NDUFAF6: variants seen among roughly 807,000 people sequenced by gnomAD.
The protein encoded by NDUFAF6 is NADH:ubiquinone oxidoreductase complex assembly factor 6, also known as NADH dehydrogenase (ubiquinone) complex I, assembly factor 6.
In NDUFAF6, 45 loss-of-function variants were observed where a neutral mutation model predicts 40.8. That is an observed-to-expected ratio of 1.10 (90% CI 0.87 to 1.42). The LOEUF (loss-of-function observed/expected upper bound fraction) is 1.42. Ranked by LOEUF, NDUFAF6 falls within the 40% of genes most tolerant of loss-of-function variation. The pLI is 0.00. For synonymous variants in NDUFAF6, 185 were observed against 155.9 expected (o/e 1.19, Z -1.39); for missense variants, 435 against 418.5 (o/e 1.04, Z -0.34).
At chr8:95,101,642 G>A (rs143228461) in intron 2 of NDUFAF6, among the ~76,000 whole-genome samples, 142 of 152,290 alleles carry the variant, frequency 9.3e-4, no homozygotes, top group African/African-American at 2.9e-3. Flanking sequence ...CTGCTTTCAC[G>A]TGATGGACAC....
chr8:94,980,796 C>A, intron 1 of NDUFAF6: 1 of 376,764 alleles, frequency 2.7e-6, no homozygotes. Context: ...TAGTTTAGTG[C>A]ATAGTTGTTT....
At chr8:95,108,990 G>A (rs1809919632) in intron 4 of NDUFAF6, among the ~76,000 whole-genome samples, 1 of 152,144 alleles carries the variant, frequency 6.6e-6, no homozygotes, top group South Asian at 2.1e-4. Context: ...TTGAACCTAA[G>A]TGGAATACAG....
chr8:95,008,029 T>A (rs144612776), intron 2 of NDUFAF6, among the ~76,000 whole-genome samples: 1 of 152,082 alleles, frequency 6.6e-6, no homozygotes, highest in African/African-American at 2.4e-5. Flanking sequence ...CAGCCTTGAG[T>A]CTCAATTTTA....
At chr8:94,968,902 A>G (rs1824233496) in intron 1 of NDUFAF6, among the ~76,000 whole-genome samples, 1 of 152,194 alleles carries the variant, frequency 6.6e-6, no homozygotes, top group Admixed American at 6.5e-5. Context: ...AGGGTGGGAC[A>G]GAAGGAGGAG....
At chr8:94,981,753 G>A (rs1443332193) in intron 2 of NDUFAF6, among the ~76,000 whole-genome samples, 1 of 152,128 alleles carries the variant, frequency 6.6e-6, no homozygotes, top group Non-Finnish European at 1.5e-5. Context: ...CCATGAGAGA[G>A]CTGATATTCT....
At chr8:95,016,181 T>TA (rs1827437284) in intron 2 of NDUFAF6, among the ~76,000 whole-genome samples, 1 of 152,358 alleles carries the variant, frequency 6.6e-6, no homozygotes, top group Non-Finnish European at 1.5e-5. Flanking sequence ...CACAAAGTGA[T>TA]AAAAGTGTTC....
chr8:95,087,545 A>C (rs1809091858), intron 2 of NDUFAF6: 1 of 152,160 alleles, frequency 6.6e-6, no homozygotes, highest in African/African-American at 2.4e-5. Context: ...CTTTCATTTA[A>C]ACTTCCATAC....
Position 94,959,887 on chromosome 8 carries a change from C to A in NDUFAF6, c.-199+1708C>A, listed in dbSNP as rs987419348. Among the ~76,000 whole-genome samples the A allele has an allele frequency of 2.0e-5, 3 of 152,240 alleles. No individual in the cohort carries two copies. In the South Asian group the frequency reaches 6.2e-4, roughly 32 times the overall value. On this transcript the variant is annotated intron_variant, in intron 1 of 9. Coordinates refer to the NDUFAF6 transcript ENST00000396111. Reference sequence around the variant, plus strand: ...CTTGGCTTTGGGTCCCCCCCAGTTTCGGATGTTTACATTTCATCAGCTTTT... The same window carrying A: ...CTTGGCTTTGGGTCCCCCCCAGTTTAGGATGTTTACATTTCATCAGCTTTT...
intron 1 of NDUFAF6, among the ~76,000 whole-genome samples, chr8:95,028,984 TG>T (rs1828504514): frequency 2.6e-5 from 4 of 151,930 alleles, no homozygotes; most frequent in Non-Finnish European, 5.9e-5. Context: ...GCAGTACTCT[TG>T]AGATAGCAAG....
intron 1 of NDUFAF6, among the ~76,000 whole-genome samples, chr8:94,968,895 G>A (rs1290469322): frequency 2.0e-5 from 3 of 152,146 alleles, no homozygotes; most frequent in Non-Finnish European, 2.9e-5. Context: ...TTGACTTAGG[G>A]TGGGACAGAA....
chr8:94,934,409 A>G (rs1173958876), intron 1 of NDUFAF6, among the ~76,000 whole-genome samples: 1 of 151,022 alleles, frequency 6.6e-6, no homozygotes, highest in Admixed American at 6.6e-5. Context: ...TTTTTGAGAC[A>G]GAGCCTTGCT....
intron 1 of NDUFAF6, among the ~76,000 whole-genome samples, chr8:94,963,004 T>C (rs13274905): frequency 0.3 from 45,826 of 151,694 alleles, 8,725 homozygotes; most frequent in East Asian, 0.64. Flanking sequence ...TTGGCCAGGC[T>C]GGTCTGGAAC....
At chr8:94,978,378 C>T (rs1377399766) in intron 1 of NDUFAF6, among the ~76,000 whole-genome samples, 1 of 152,202 alleles carries the variant, frequency 6.6e-6, no homozygotes. Context: ...TGTACCTCTT[C>T]ATCTGGCTGT....
intron 2 of NDUFAF6, among the ~76,000 whole-genome samples, chr8:94,992,316 A>G (rs912606702): frequency 3.9e-5 from 6 of 152,094 alleles, no homozygotes; most frequent in African/African-American, 1.4e-4. Flanking sequence ...GTGAAACCCC[A>G]TGTCTACTAA....
chr8:95,091,433 G>T (rs1809248008), intron 2 of NDUFAF6, among the ~76,000 whole-genome samples: 1 of 151,938 alleles, frequency 6.6e-6, no homozygotes, highest in Non-Finnish European at 1.5e-5. Flanking sequence ...CTCCCACAAG[G>T]TATCTCCCTA....
chr8:95,059,846 C>T (rs1411902024), downstream of NDUFAF6, among the ~76,000 whole-genome samples: 1 of 151,218 alleles, frequency 6.6e-6, no homozygotes, highest in Non-Finnish European at 1.5e-5. Context: ...GAGATTCCAT[C>T]TCAAAAAAAA....
chr8:94,922,583 A>G (rs2467672), intron 1 of NDUFAF6, among the ~76,000 whole-genome samples: 116,506 of 151,622 alleles, frequency 0.77, 46,474 homozygotes, highest in East Asian at 0.89. Context: ...GGTTCAAGCA[A>G]TTCTCCTGCC....
chr8:95,050,656 G>C (rs1831325028), intron 7 of NDUFAF6, among the ~76,000 whole-genome samples: 1 of 152,200 alleles, frequency 6.6e-6, no homozygotes, highest in Admixed American at 6.5e-5. Context: ...AAATAAAGCA[G>C]TGATATGAGT....
intron 7 of NDUFAF6, 93 bp from the exon 8 acceptor site, chr8:95,052,081 C>G (rs1453959192): frequency 9.7e-6 from 11 of 1,137,410 alleles, no homozygotes; most frequent in Non-Finnish European, 1.5e-5. Context: ...GAGAGAGGCC[C>G]TATCAGTATT....
Sources: allele counts gnomAD v4.1 joint callset (sites outside exome capture counted in the v4.1 genomes callset), GRCh38; gene constraint gnomAD v4.1.1; transcripts MANE v1.5; gene names NCBI Gene and HGNC (gene_info 2026-07-23, HGNC 2026-07-21).